Variants in ADAMTS17 observed in about 807,000 individuals in gnomAD.
ADAMTS17 encodes A disintegrin and metalloproteinase with thrombospondin motifs 17.
Under a neutral mutation model 141.5 loss-of-function variants are expected in ADAMTS17, and 113 were observed. The observed-to-expected ratio is 0.80, with a 90% confidence interval of 0.69 to 0.93. ADAMTS17 has a LOEUF of 0.93. ADAMTS17 is among the 40% of genes least tolerant of loss of function. The probability of loss-of-function intolerance (pLI) is 0.00; values close to 1 mark genes in which losing one functional copy is unlikely to be tolerated. For missense variants in ADAMTS17, 1,659 were observed against 1,517.9 expected (o/e 1.09, Z -1.54); for synonymous variants, 768 against 630.6 (o/e 1.22, Z -3.27).
At chr15:100,222,425 G>T (rs893812911) in intron 7 of ADAMTS17, among the ~76,000 whole-genome samples, 3 of 152,150 alleles carry the variant, frequency 2.0e-5, no homozygotes, top group African/African-American at 4.8e-5. Context: ...TTGTTCTGCC[G>T]CATCTTCTGA....
chr15:100,043,612 T>C (rs1403042322), intron 18 of ADAMTS17, among the ~76,000 whole-genome samples: 3 of 152,220 alleles, frequency 2.0e-5, no homozygotes, highest in African/African-American at 7.2e-5. Context: ...GGGGTTATTT[T>C]TGGACAACCC....
intron 15 of ADAMTS17, among the ~76,000 whole-genome samples, chr15:100,068,686 A>T (rs1293707744): frequency 2.0e-5 from 3 of 152,248 alleles, no homozygotes; most frequent in Non-Finnish European, 2.9e-5. Flanking sequence ...CCTGTAGCTG[A>T]GGGTCCTGAC....
At chr15:100,281,449 C>T (rs1479938535) in intron 3 of ADAMTS17, 48 bp from the exon 4 acceptor site, 2 of 1,579,658 alleles carry the variant, frequency 1.3e-6, no homozygotes, top group Non-Finnish European at 1.7e-6. Context: ...TACTGACTTC[C>T]AAAACCATGC....
chr15:100,326,484 G>A (rs1021832268), intron 3 of ADAMTS17, among the ~76,000 whole-genome samples: 1 of 152,228 alleles, frequency 6.6e-6, no homozygotes, highest in Non-Finnish European at 1.5e-5. Flanking sequence ...GGAATGAGGA[G>A]CTCATTAGCA....
intron 10 of ADAMTS17, among the ~76,000 whole-genome samples, chr15:100,145,741 T>C (rs2038871524): frequency 6.6e-6 from 1 of 152,268 alleles, no homozygotes; most frequent in Non-Finnish European, 1.5e-5. Flanking sequence ...TCTAATGTGC[T>C]TAATCACAGG....
chr15:100,283,932 C>G (rs1166774421), intron 3 of ADAMTS17, among the ~76,000 whole-genome samples: 1 of 152,128 alleles, frequency 6.6e-6, no homozygotes, highest in Non-Finnish European at 1.5e-5. Context: ...CTGGTGAAAC[C>G]CCGTCTCTAC....
chr15:100,216,813 A>C (rs1178649485), intron 7 of ADAMTS17, among the ~76,000 whole-genome samples: 1 of 152,202 alleles, frequency 6.6e-6, no homozygotes, highest in African/African-American at 2.4e-5. Context: ...AAACTTTTTC[A>C]GATTTTGAGA....
intron 18 of ADAMTS17, among the ~76,000 whole-genome samples, chr15:99,998,759 C>T (rs907465505): frequency 2.6e-5 from 4 of 152,158 alleles, no homozygotes; most frequent in African/African-American, 9.7e-5. Context: ...CTTCCAGTGC[C>T]CTTTTGCGAA....
Position 99,972,154 on chromosome 15 carries a change from G to C in ADAMTS17, c.*2248C>G, listed in dbSNP as rs1355346462. ...TAGTCCCAGCTACTGGGGAGGGTGAGGCAGAAGAATGGCCTGAACCCGGGA... is the reference window on the plus strand; with the variant it reads ...TAGTCCCAGCTACTGGGGAGGGTGACGCAGAAGAATGGCCTGAACCCGGGA... On this transcript the variant is annotated 3_prime_UTR_variant, in exon 22 of 22. Transcript: ENST00000268070. The C allele has an allele frequency of 6.6e-6, 1 of 152,378 alleles. No individual in the cohort carries two copies. The highest frequency in any genetic ancestry group is 6.5e-5 in the Admixed American group (1 of 15,284). The allele number at this position is 152,378 out of a possible 1,614,324, so 9.4% of individuals were successfully genotyped here.
At chr15:100,227,382 CA>C (rs2042343902) in intron 7 of ADAMTS17, among the ~76,000 whole-genome samples, 1 of 152,212 alleles carries the variant, frequency 6.6e-6, no homozygotes, top group Non-Finnish European at 1.5e-5. Flanking sequence ...ATTCCACCTC[CA>C]ATTCATTACT....
At chr15:100,340,907 A>C in intron 2 of ADAMTS17, 132 bp downstream of exon 2, 2 of 1,375,394 alleles carry the variant, frequency 1.5e-6, no homozygotes, top group Non-Finnish European at 2.0e-6. Context: ...AGAGGTGGAA[A>C]GGCAGGGGGT....
At chr15:100,319,402 G>A (rs2045660607) in intron 3 of ADAMTS17, among the ~76,000 whole-genome samples, 1 of 152,176 alleles carries the variant, frequency 6.6e-6, no homozygotes. Context: ...GGGAGTGTGA[G>A]CTGACACTCC....
chr15:100,089,508 T>C (rs201255760), intron 15 of ADAMTS17, among the ~76,000 whole-genome samples: 81,417 of 150,492 alleles, frequency 0.54, 25,295 homozygotes, highest in Non-Finnish European at 0.7. Flanking sequence ...TTATAAATCA[T>C]GCTGCTATAA....
chr15:100,019,072 C>T (rs753627740), intron 18 of ADAMTS17, among the ~76,000 whole-genome samples: 4 of 152,264 alleles, frequency 2.6e-5, no homozygotes, highest in African/African-American at 7.2e-5. Flanking sequence ...ACGTGTCCAT[C>T]GATGGCAGAA....
At chr15:100,022,372 C>G (rs1268474502) in intron 18 of ADAMTS17, among the ~76,000 whole-genome samples, 1 of 152,226 alleles carries the variant, frequency 6.6e-6, no homozygotes, top group Non-Finnish European at 1.5e-5. Flanking sequence ...TCGGCTCTGG[C>G]ACACTGGAGA....
intron 15 of ADAMTS17, among the ~76,000 whole-genome samples, chr15:100,068,396 A>T: frequency 6.6e-6 from 1 of 152,242 alleles, no homozygotes; most frequent in East Asian, 1.9e-4. Flanking sequence ...ACAGCCTTGA[A>T]GAGAGTAGTG....
intron 3 of ADAMTS17, among the ~76,000 whole-genome samples, chr15:100,319,853 C>A (rs149083344): frequency 6.6e-6 from 1 of 152,084 alleles, no homozygotes; most frequent in African/African-American, 2.4e-5. Context: ...TTGCTTGAAC[C>A]CAGGAAGCAG....
rs538111869 is a variant in ADAMTS17, at chr15:99,994,726, C to T, written c.2797-1526G>A. Among the ~76,000 whole-genome samples, 17 of 152,314 alleles carry T rather than the reference C, an allele frequency of 1.1e-4. No individual in the cohort carries two copies. The South Asian group carries it at 3.3e-3, about 30-fold the overall frequency. ...GGATTACAGGCGCCCATCACCATGC[C>T]TGGCTAATTTTTGTATTTTTAGTAG... On this transcript the variant is annotated intron_variant, in intron 19 of 21. Transcript: ENST00000268070.
At chr15:100,049,657 A>T (rs2031989648) in intron 17 of ADAMTS17, among the ~76,000 whole-genome samples, 1 of 152,074 alleles carries the variant, frequency 6.6e-6, no homozygotes, top group African/African-American at 2.4e-5. Flanking sequence ...TGTCACCCTA[A>T]ATACTGCACG....
Sources: gnomAD v4.1 joint callset for allele counts (sites outside exome capture counted in the v4.1 genomes callset) on GRCh38, gnomAD v4.1.1 for gene constraint, MANE v1.5 for transcripts, NCBI Gene and HGNC (gene_info 2026-07-23, HGNC 2026-07-21) for gene names.